The following CERKL variants were observed in gnomAD, a reference collection of about 807,000 sequenced individuals.
CERKL encodes the protein ceramide kinase-like protein.
CERKL carries 61 observed loss-of-function variants against 63.4 expected under a neutral mutation model. The ratio of observed to expected loss-of-function variants is 0.96; its 90% CI spans 0.78 to 1.19. The LOEUF is 1.19. Among genes scored for constraint, CERKL ranks in the 50% most tolerant of loss-of-function variants. CERKL has a pLI of 0.00. For synonymous variants in CERKL, 250 were observed against 230.5 expected, an observed-to-expected ratio of 1.08 and a Z score of -0.77; for missense variants, 675 against 655.5, an observed-to-expected ratio of 1.03 and a Z score of -0.33.
At chr2:181,639,298 G>A (rs1362119009) in intron 1 of CERKL, among the ~76,000 whole-genome samples, 2 of 152,108 alleles carry the variant, frequency 1.3e-5, no homozygotes, top group East Asian at 1.9e-4. Flanking sequence ...GATGAAATAA[G>A]ACTGGCCATA....
intron 1 of CERKL, 23 bp downstream of exon 1, chr2:181,656,746 G>A: frequency 6.4e-6 from 10 of 1,564,642 alleles, no homozygotes; most frequent in Non-Finnish European, 8.7e-6. Context: ...GGGAGGCGAA[G>A]ACGCTTGGGG....
chr2:181,650,101 G>T (rs1277515747), intron 1 of CERKL: 1 of 93,806 alleles, frequency 1.1e-5, no homozygotes, highest in Non-Finnish European at 2.3e-5. Flanking sequence ...GAGGGAGGGA[G>T]GGAGGGAGGG....
At chr2:181,575,163 G>A (rs1275457011) in intron 2 of CERKL, among the ~76,000 whole-genome samples, 3 of 152,190 alleles carry the variant, frequency 2.0e-5, no homozygotes, top group African/African-American at 7.2e-5. Flanking sequence ...ACCATGCCCA[G>A]GCATGCTGGC....
rs536835027 is a variant in CERKL at position 181,654,087 on chromosome 2, G to A, written c.238+2682C>T. Among the ~76,000 whole-genome samples, 45 of 151,808 alleles carry A rather than the reference G, an allele frequency of 3.0e-4. 1 individual carries two copies. In the South Asian group the frequency reaches 4.4e-3, roughly 15 times the overall value. ...TAAAAAGTTATTAGACCAGCTGTTG[G>A]ATCTGGTTGAGTTAATGTGCTTAAG... On this transcript the variant is annotated intron_variant, in intron 1 of 12. Transcript: ENST00000410087.
chr2:181,650,756 T>C (rs541482632), intron 1 of CERKL, among the ~76,000 whole-genome samples: 4 of 144,906 alleles, frequency 2.8e-5, no homozygotes, highest in Non-Finnish European at 6.0e-5. Flanking sequence ...CGAAACTCCA[T>C]CTCAAAAAAA....
intron 2 of CERKL, among the ~76,000 whole-genome samples, chr2:181,584,146 G>A (rs781580173): frequency 6.6e-5 from 10 of 152,076 alleles, no homozygotes; most frequent in Non-Finnish European, 1.5e-4. Context: ...CTGGAATACT[G>A]TTTATATTTT....
chr2:181,630,480 C>A lies in CERKL; in HGVS notation c.238+26289G>T, dbSNP rs756982306. On this transcript the variant is annotated intron_variant, in intron 1 of 12. Coordinates refer to ENST00000410087, the MANE Select transcript of CERKL (RefSeq NM_201548.5). ...AGTGTGACTGTATTTAGAGACAGGG[C>A]CTTAAATAGGGTAATTAGGTTAAAT... Among the ~76,000 whole-genome samples, 10 of 152,200 alleles carry A rather than the reference C, an allele frequency of 6.6e-5. No individual in the cohort carries two copies. In the South Asian group the frequency reaches 1.5e-3, roughly 22 times the overall value.
chr2:181,584,984 C>T (rs1005977797), intron 2 of CERKL, among the ~76,000 whole-genome samples: 39 of 151,468 alleles, frequency 2.6e-4, no homozygotes, highest in African/African-American at 9.0e-4. Flanking sequence ...TTTTCGTTTC[C>T]TCTGCTTGGA....
Position 181,538,154 on chromosome 2 carries a change from T to TTCTAAAAGAAA in CERKL, c.*29_*30insTTTCTTTTAGA. ...CATTTCTTTATATTAAAATTCTAGT[T>TTCTAAAAGAAA]TGTACATTTCTTTTAGAAACAATTA... is the stretch of plus-strand genomic sequence containing the variant. On this transcript the variant is annotated 3_prime_UTR_variant, in exon 13 of 13. Coordinates refer to ENST00000410087, the MANE Select transcript of CERKL (RefSeq NM_201548.5). The TTCTAAAAGAAA allele has an allele frequency of 9.1e-6, 13 of 1,421,206 alleles. No individual in the cohort carries two copies. Among genetic ancestry groups the TTCTAAAAGAAA allele is most frequent in the Non-Finnish European group, 1.2e-5 (12 of 1,009,418 alleles). 88.0% of individuals were successfully genotyped at this position (1,421,206 alleles called of 1,614,324 possible). A position where few individuals can be genotyped will look rare whatever the true frequency, so the allele number is the denominator to read the frequency against.
At chr2:181,554,164 CAAA>C (rs36086391) in intron 5 of CERKL, among the ~76,000 whole-genome samples, 446 of 94,234 alleles carry the variant, frequency 4.7e-3, no homozygotes, top group South Asian at 9.0e-3. Context: ...ACTATGGAGG[CAAA>C]AAAAAAAAAA....
intron 11 of CERKL, among the ~76,000 whole-genome samples, chr2:181,543,172 G>A (rs897963006): frequency 2.6e-5 from 4 of 152,160 alleles, no homozygotes; most frequent in African/African-American, 9.7e-5. Flanking sequence ...TAATCTTGAG[G>A]AACATGGAAT....
chr2:181,583,214 A>G (rs150570995), intron 2 of CERKL, among the ~76,000 whole-genome samples: 208 of 152,298 alleles, frequency 1.4e-3, no homozygotes, highest in African/African-American at 4.6e-3. Context: ...CCCTAATTAA[A>G]TAATTAGTTC....
At chr2:181,629,740 GCTA>G (rs544452193) in intron 1 of CERKL, among the ~76,000 whole-genome samples, 334 of 151,854 alleles carry the variant, frequency 2.2e-3, no homozygotes, top group Non-Finnish European at 4.0e-3. Context: ...ATCTTTGAGG[GCTA>G]CTATTTCTCC....
intron 2 of CERKL, among the ~76,000 whole-genome samples, chr2:181,602,314 A>T (rs1188661521): frequency 6.6e-6 from 1 of 152,202 alleles, no homozygotes; most frequent in Non-Finnish European, 1.5e-5. Flanking sequence ...TTTTATAGAC[A>T]AGACCATGCA....
At chr2:181,541,312 C>G (rs1229836124) in intron 11 of CERKL, among the ~76,000 whole-genome samples, 1 of 152,174 alleles carries the variant, frequency 6.6e-6, no homozygotes, top group East Asian at 1.9e-4. Flanking sequence ...TCAGGACAAA[C>G]CAAACCTGCT....
Position 181,539,236 on chromosome 2 carries a change from G to GT in CERKL, c.1393dup (p.Thr465AsnfsTer3). 1 of 1,597,746 alleles carries GT rather than the reference G, an allele frequency of 6.3e-7. No homozygotes were observed. The highest frequency in any genetic ancestry group is 8.6e-7 in the Non-Finnish European group (1 of 1,165,438). On this transcript the variant is annotated frameshift_variant, in exon 12 of 13. Transcript: ENST00000410087. LOFTEE classifies it high-confidence loss of function. ...TGGATGAACTTTTACTTCCTCAACA[G>GT]TGTAAGTCTCAACAAATGGAAAATT... is the stretch of plus-strand genomic sequence containing the variant.
intron 5 of CERKL, among the ~76,000 whole-genome samples, chr2:181,554,120 A>G (rs753299997): frequency 4.0e-5 from 6 of 148,990 alleles, no homozygotes; most frequent in Non-Finnish European, 4.5e-5. Flanking sequence ...GTAGCAGTTC[A>G]TGTAAAGAAT....
intron 11 of CERKL, among the ~76,000 whole-genome samples, chr2:181,543,819 A>G (rs1400644490): frequency 1.3e-5 from 2 of 151,996 alleles, no homozygotes; most frequent in African/African-American, 4.8e-5. Flanking sequence ...CCCTGTCTCT[A>G]CCAAAAATAT....
chr2:181,582,209 T>C (rs367808555), intron 2 of CERKL, among the ~76,000 whole-genome samples: 1 of 152,134 alleles, frequency 6.6e-6, no homozygotes, highest in East Asian at 1.9e-4. Flanking sequence ...GCCCCACTAT[T>C]TGATGGGGGA....
Sources: allele counts gnomAD v4.1 joint callset (sites outside exome capture counted in the v4.1 genomes callset), GRCh38; gene constraint gnomAD v4.1.1; transcripts MANE v1.5; gene names NCBI Gene and HGNC (gene_info 2026-07-23, HGNC 2026-07-21).